The following COL10A1 variants were observed in gnomAD, a reference collection of about 807,000 sequenced individuals.
COL10A1 encodes the protein collagen alpha-1(X) chain.
COL10A1 carries 10 observed loss-of-function variants against 18.2 expected under a neutral mutation model. The observed-to-expected ratio is 0.55, with a 90% CI of 0.34 to 0.93. The LOEUF (loss-of-function observed/expected upper bound fraction) is 0.93. COL10A1 is among the 40% of genes least tolerant of loss of function. The pLI is 0.02. For missense variants in COL10A1, 897 were observed against 853.5 expected (o/e 1.05, Z -0.64); for synonymous variants, 330 against 316.6 (o/e 1.04, Z -0.45).
chr6:116,197,131 G>T, the COL10A1 span, among the ~76,000 whole-genome samples: 3 of 151,744 alleles, frequency 2.0e-5, no homozygotes, highest in Non-Finnish European at 4.4e-5. Flanking sequence ...TTTGTAGTGG[G>T]CCAGCTGCCC....
chr6:116,206,076 C>T, the COL10A1 span, among the ~76,000 whole-genome samples: 2 of 151,988 alleles, frequency 1.3e-5, no homozygotes, highest in Non-Finnish European at 2.9e-5. Flanking sequence ...GCCTCCTGCT[C>T]AGTAGGACTT....
the COL10A1 span, among the ~76,000 whole-genome samples, chr6:116,185,139 A>C: frequency 0.025 from 3,793 of 152,218 alleles, 141 homozygotes; most frequent in African/African-American, 0.086. Context: ...ATTCAGGAGC[A>C]AGTTATTTAA....
At chr6:116,164,051 T>G in the COL10A1 span, among the ~76,000 whole-genome samples, 1 of 152,220 alleles carries the variant, frequency 6.6e-6, no homozygotes, top group South Asian at 2.1e-4. Flanking sequence ...CATGCACAGA[T>G]GAGAAAAATG....
intron 1 of COL10A1, among the ~76,000 whole-genome samples, chr6:116,147,292 A>G (rs1273817763): frequency 1.3e-5 from 2 of 151,942 alleles, no homozygotes; most frequent in Non-Finnish European, 2.9e-5. Flanking sequence ...AAATACAAAA[A>G]GTAGCTGGGC....
At chr6:116,191,997 A>T in the COL10A1 span, among the ~76,000 whole-genome samples, 2 of 152,080 alleles carry the variant, frequency 1.3e-5, no homozygotes, top group Non-Finnish European at 2.9e-5. Context: ...AAACATGAGG[A>T]TGAGGATGCA....
At chr6:116,180,698 A>G in the COL10A1 span, among the ~76,000 whole-genome samples, 1 of 152,128 alleles carries the variant, frequency 6.6e-6, no homozygotes. Flanking sequence ...GTACCAAGTT[A>G]GTTGACACTG....
chr6:116,125,291 A>G, intron 2 of COL10A1, 48 bp downstream of exon 2: 1 of 1,588,380 alleles, frequency 6.3e-7, no homozygotes, highest in Non-Finnish European at 8.6e-7. Flanking sequence ...AGATTATAGA[A>G]AGCAACAAGC....
chr6:116,178,548 A>G, the COL10A1 span, among the ~76,000 whole-genome samples: 2 of 152,252 alleles, frequency 1.3e-5, no homozygotes, highest in African/African-American at 4.8e-5. Flanking sequence ...TAAAGAAGTC[A>G]TAACTAGTGT....
intron 1 of COL10A1, among the ~76,000 whole-genome samples, chr6:116,157,217 T>C (rs1055819134): frequency 6.6e-6 from 1 of 152,194 alleles, no homozygotes; most frequent in East Asian, 1.9e-4. Context: ...ATTAATTTGG[T>C]TTAAAAATGA....
At chr6:116,195,405 A>C in the COL10A1 span, among the ~76,000 whole-genome samples, 1 of 152,000 alleles carries the variant, frequency 6.6e-6, no homozygotes, top group South Asian at 2.1e-4. Flanking sequence ...TTATTAAATT[A>C]ACTTTTTTTT....
intron 1 of COL10A1, among the ~76,000 whole-genome samples, chr6:116,133,444 C>T (rs2114337766): frequency 6.6e-6 from 1 of 152,284 alleles, no homozygotes; most frequent in Non-Finnish European, 1.5e-5. Context: ...AACAACTCCA[C>T]AGTCACCATC....
chr6:116,165,786 C>T, the COL10A1 span, among the ~76,000 whole-genome samples: 1 of 152,324 alleles, frequency 6.6e-6, no homozygotes, highest in East Asian at 1.9e-4. Context: ...CCCACAGCTC[C>T]CCAGGGACCT....
chr6:116,164,001 G>A, the COL10A1 span, among the ~76,000 whole-genome samples: 1 of 152,120 alleles, frequency 6.6e-6, no homozygotes, highest in Admixed American at 6.5e-5. Flanking sequence ...ATTGAAATGT[G>A]CTTTGTGACC....
At chr6:116,130,670 A>G (rs896988038), upstream of COL10A1, among the ~76,000 whole-genome samples, 1 of 152,046 alleles carries the variant, frequency 6.6e-6, no homozygotes, top group African/African-American at 2.4e-5. Context: ...CATTAAATAT[A>G]AGATATATGA....
chr6:116,131,277 A>G (rs565423644), intron 1 of COL10A1, among the ~76,000 whole-genome samples: 1 of 152,314 alleles, frequency 6.6e-6, no homozygotes, highest in East Asian at 1.9e-4. Flanking sequence ...TTTATAAAAC[A>G]AGGAATATTC....
chr6:116,177,303 A>G, the COL10A1 span, among the ~76,000 whole-genome samples: 1 of 152,112 alleles, frequency 6.6e-6, no homozygotes, highest in Non-Finnish European at 1.5e-5. Context: ...GTTTTTATTC[A>G]TGGGCGTTAT....
At chr6:116,122,191 A>T (rs542715852) in intron 2 of COL10A1, among the ~76,000 whole-genome samples, 1 of 152,334 alleles carries the variant, frequency 6.6e-6, no homozygotes, top group African/African-American at 2.4e-5. Flanking sequence ...CTTTTATCCC[A>T]TGACAGTGAT....
chr6:116,125,099 A>G (rs1394043502), intron 2 of COL10A1, among the ~76,000 whole-genome samples: 1 of 152,248 alleles, frequency 6.6e-6, no homozygotes. Flanking sequence ...TGTACACACA[A>G]AAGTTCTGAT....
the COL10A1 span, among the ~76,000 whole-genome samples, chr6:116,200,642 A>T: frequency 6.6e-6 from 1 of 152,032 alleles, no homozygotes; most frequent in Non-Finnish European, 1.5e-5. Flanking sequence ...GAGCTCTGGT[A>T]TATAATTCCC....
Sources: gnomAD v4.1 joint callset for allele counts (sites outside exome capture counted in the v4.1 genomes callset) on GRCh38, gnomAD v4.1.1 for gene constraint, MANE v1.5 for transcripts, NCBI Gene and HGNC (gene_info 2026-07-23, HGNC 2026-07-21) for gene names.